The following FSCN1 variants were observed in gnomAD, a reference collection of about 807,000 sequenced individuals.
The protein encoded by FSCN1 is fascin actin-bundling protein 1, also known as fascin.
In FSCN1, 10 loss-of-function variants were observed where a neutral mutation model predicts 39.7. That is an observed-to-expected ratio of 0.25 (90% CI 0.16 to 0.43). The LOEUF (loss-of-function observed/expected upper bound fraction) is 0.43, where lower values mean the gene tolerates loss of function less well. FSCN1 is among the 20% of genes least tolerant of loss of function. The pLI is 1.00. For synonymous variants in FSCN1, 322 were observed against 320.0 expected, an observed-to-expected ratio of 1.01 and a Z score of -0.07; for missense variants, 525 against 723.8, an observed-to-expected ratio of 0.73 and a Z score of 3.15.
intron 1 of FSCN1, among the ~76,000 whole-genome samples, chr7:5,598,970 GC>G (rs1785778661): frequency 6.6e-6 from 1 of 152,222 alleles, no homozygotes; most frequent in African/African-American, 2.4e-5. Context: ...GGTGTGGCTG[GC>G]CTGACGGCTC....
chr7:5,604,862 C>T (rs545154264), intron 4 of FSCN1, among the ~76,000 whole-genome samples: 31 of 152,260 alleles, frequency 2.0e-4, no homozygotes, highest in African/African-American at 5.8e-4. Context: ...GTCTTGAATT[C>T]GTGGCCTCAA....
chr7:5,593,692 G>T lies in FSCN1; in HGVS notation c.756G>T (p.Glu252Asp). The T allele has an allele frequency of 6.3e-7, 1 of 1,592,188 alleles. No homozygotes were observed. The highest frequency in any genetic ancestry group is 8.5e-7 in the Non-Finnish European group (1 of 1,175,822). ...AGGCCACCAAGGTGGGCAAGGACGA[G>T]CTCTTTGCTCTGGAGCAGAGCTGCG... ...AGKATKVGKDELFALEQSCAQ... is the reference protein window; with the variant it reads ...AGKATKVGKDDLFALEQSCAQ... The change falls in exon 1 of 5, where the codon GAG becomes GAT. Residue 252 changes from glutamate (E) to aspartate (D), a missense_variant. By Grantham distance (45) the Glu-to-Asp change is conservative. Around this residue, in one of 3 missense-constraint regions of FSCN1, gnomAD observed 275 missense variants for 351.9 expected, o/e 0.78. Transcript: ENST00000382361.
In FSCN1 at chr7:5,593,920, G is replaced by C. The variant is rs563426795; in HGVS notation, c.832+152G>C. ...CCCCGCTAGGCACGCGGGCTACCCCGCCTGGAGGGGGCGAGGAGTGGGGCT... is the reference window on the plus strand; with the variant it reads ...CCCCGCTAGGCACGCGGGCTACCCCCCCTGGAGGGGGCGAGGAGTGGGGCT... On this transcript the variant is annotated intron_variant, in intron 1 of 4. Transcript: ENST00000382361. 4.5e-5 allele frequency: 27 copies of C among 597,018 alleles called. No individual in the cohort carries two copies. In the African/African-American group the frequency reaches 5.2e-4, roughly 11 times the overall value. 37.0% of individuals were successfully genotyped at this position (597,018 alleles called of 1,614,324 possible). A position where few individuals can be genotyped will look rare whatever the true frequency, so the allele number is the denominator to read the frequency against.
At chr7:5,601,032 G>A (rs1319858379) in intron 1 of FSCN1, among the ~76,000 whole-genome samples, 3 of 131,738 alleles carry the variant, frequency 2.3e-5, no homozygotes, top group Admixed American at 7.2e-5. Context: ...CTCATGATCC[G>A]CCCGCCTCGG....
Position 5,593,605 on chromosome 7 carries a change from C to T in FSCN1, c.669C>T (p.Phe223=), listed in dbSNP as rs1311981770. ...AGTTCCGCTCCGGCAAGGTGGCCTTCCGCGACTGCGAGGGCCGTTACCTGG... is the reference window on the plus strand; with the variant it reads ...AGTTCCGCTCCGGCAAGGTGGCCTTTCGCGACTGCGAGGGCCGTTACCTGG... ...TLEFRSGKVA[F]RDCEGRYLAP... The change falls in exon 1 of 5, where the codon TTC becomes TTT. Residue 223 remains phenylalanine, a synonymous_variant. Transcript: ENST00000382361. 3.8e-6 allele frequency: 6 copies of T among 1,558,738 alleles called. No individual in the cohort carries two copies. In the East Asian group the frequency reaches 9.4e-5, roughly 25 times the overall value.
intron 1 of FSCN1, among the ~76,000 whole-genome samples, chr7:5,598,828 G>C (rs534423464): frequency 6.6e-6 from 1 of 152,228 alleles, no homozygotes; most frequent in African/African-American, 2.4e-5. Flanking sequence ...GGGCTTCAGC[G>C]GAGCCCCAGC....
chr7:5,593,678 G>A lies in FSCN1; in HGVS notation c.742G>A (p.Val248Met), dbSNP rs752581998. The A allele has an allele frequency of 3.8e-6, 6 of 1,589,204 alleles. No individual in the cohort carries two copies. The African/African-American group carries it at 6.7e-5, about 18-fold the overall frequency. The change falls in exon 1 of 5, where the codon GTG becomes ATG. Residue 248 changes from valine to methionine, a missense_variant. Physicochemically the swap from Val to Met is conservative, Grantham distance 21. Around this residue, in one of 3 missense-constraint regions of FSCN1, gnomAD observed 275 missense variants for 351.9 expected, o/e 0.78. Transcript: ENST00000382361. The stretch of plus-strand genomic sequence containing the variant: ...GCTCAAGGCGGGCAAGGCCACCAAG[G>A]TGGGCAAGGACGAGCTCTTTGCTCT... ...GTLKAGKATK[V>M]GKDELFALEQ... is the part of the protein sequence containing the mutation.
At position 5,605,369 on chromosome 7, in the gene FSCN1, C is replaced by T. The variant is rs1341491150; in HGVS notation, c.1377C>T (p.Asn459=). Residue 459 remains asparagine, a synonymous_variant, in exon 5 of 5, where the codon AAC becomes AAT. Transcript: ENST00000382361. This position sits in a 1 kb window ranked among gnomAD's most constrained non-coding sequence, Gnocchi z 6.9. ...TCTTCTTCGAGTTCTGCGACTATAA[C>T]AAGGTGGCCATCAAGGTGGGCGGGC... ...VDFFFEFCDY[N]KVAIKVGGRY... is the part of the protein sequence containing the mutation. 6.2e-7 allele frequency: 1 copy of T among 1,613,648 alleles called. No homozygotes were observed. The highest frequency in any genetic ancestry group is 8.5e-7 in the Non-Finnish European group (1 of 1,179,760).
intron 1 of FSCN1, among the ~76,000 whole-genome samples, chr7:5,597,535 C>CGG: frequency 6.6e-6 from 1 of 151,266 alleles, no homozygotes; most frequent in Non-Finnish European, 1.5e-5. Flanking sequence ...GGCGTGGTGG[C>CGG]GCATGCCTGT....
At chr7:5,594,420 C>G (rs962601528) in intron 1 of FSCN1, 7 of 152,498 alleles carry the variant, frequency 4.6e-5, no homozygotes, top group Non-Finnish European at 1.0e-4. Flanking sequence ...GTCTGCCCCG[C>G]GCTCGAGGCC....
chr7:5,603,436 T>C lies in FSCN1; in HGVS notation c.989+23T>C. 6.2e-7 allele frequency: 1 copy of C among 1,613,746 alleles called. No homozygotes were observed. The highest frequency in any genetic ancestry group is 8.5e-7 in the Non-Finnish European group (1 of 1,179,942). The stretch of plus-strand genomic sequence containing the variant: ...CAAGTGAGTGCCTCGCTCCCACCTG[T>C]CACCGCCCCCACCACCTTGCCTGGG... On this transcript the variant is annotated intron_variant, in intron 2 of 4. Transcript: ENST00000382361. The surrounding 1 kb of genome is among the most constrained non-coding windows in gnomAD (Gnocchi z 8.5).
In FSCN1 at chr7:5,593,537, C is replaced by T; in HGVS notation, c.601C>T (p.Arg201Cys). 4 of 1,595,066 alleles carry T rather than the reference C, an allele frequency of 2.5e-6. No individual in the cohort carries two copies. Among genetic ancestry groups the T allele is most frequent in the Non-Finnish European group, 3.4e-6 (4 of 1,175,110 alleles). The change falls in exon 1 of 5, where the codon CGC (arginine) becomes TGC (cysteine). Residue 201 changes from arginine to cysteine, a missense_variant. Physicochemically the swap from Arg to Cys is radical, Grantham distance 180 (BLOSUM62 -3). This residue lies in a region of FSCN1 where 246 missense variants were observed against 350.6 expected (regional missense o/e 0.70). Coordinates refer to ENST00000382361, the MANE Select transcript of FSCN1 (RefSeq NM_003088.4). Reference protein sequence around the residue: ...ADHRFLRHDGRLVARPEPATG... With the variant: ...ADHRFLRHDGCLVARPEPATG... ...CCACCGCTTCCTGCGCCACGACGGG[C>T]GCCTGGTGGCGCGCCCCGAGCCGGC...
Position 5,605,567 on chromosome 7 carries a change from G to A in FSCN1, c.*93G>A, listed in dbSNP as rs375923451. 19 of 953,578 alleles carry A rather than the reference G, an allele frequency of 2.0e-5. No individual in the cohort carries two copies. The South Asian group carries it at 2.9e-4, about 15-fold the overall frequency. 59.1% of individuals were successfully genotyped at this position (953,578 alleles called of 1,614,324 possible). A position where few individuals can be genotyped will look rare whatever the true frequency, so the allele number is the denominator to read the frequency against. ...CTCCGCCAGGTGGGCTCCAGGGCGGGAGGCAAGCCCCCTTGCCTTTCAAAC... is the reference window on the plus strand; with the variant it reads ...CTCCGCCAGGTGGGCTCCAGGGCGGAAGGCAAGCCCCCTTGCCTTTCAAAC... On this transcript the variant is annotated 3_prime_UTR_variant, in exon 5 of 5. Coordinates refer to ENST00000382361, the MANE Select transcript of FSCN1 (RefSeq NM_003088.4). The surrounding 1 kb of genome is among the most constrained non-coding windows in gnomAD (Gnocchi z 6.9).
In FSCN1 at chr7:5,606,583, A is replaced by G. The variant is rs1253802069; in HGVS notation, c.*1109A>G. On this transcript the variant is annotated 3_prime_UTR_variant, in exon 5 of 5. Coordinates refer to ENST00000382361, the MANE Select transcript of FSCN1 (RefSeq NM_003088.4). This position sits in a 1 kb window ranked among gnomAD's most constrained non-coding sequence, Gnocchi z 5.1. Reference sequence around the variant, plus strand: ...TTTATTTTTTGTAAGTGTCATTTGTATAACTCTAAACGCCCATGATAGTAG... The same window carrying G: ...TTTATTTTTTGTAAGTGTCATTTGTGTAACTCTAAACGCCCATGATAGTAG... 4 of 152,116 alleles carry G rather than the reference A, an allele frequency of 2.6e-5. No individual in the cohort carries two copies. Among genetic ancestry groups the G allele is most frequent in the South Asian group, 2.1e-4 (1 of 4,832 alleles). The allele number at this position is 152,116 out of a possible 1,614,324, so 9.4% of individuals were successfully genotyped here.
At position 5,593,201 on chromosome 7, in the gene FSCN1, T is replaced by G. The variant is rs1381242252; in HGVS notation, c.265T>G (p.Cys89Gly). The G allele has an allele frequency of 1.2e-6, 2 of 1,604,614 alleles. No homozygotes were observed. Among genetic ancestry groups the G allele is most frequent in the South Asian group, 1.1e-5 (1 of 90,048 alleles). Residue 89 changes from cysteine to glycine, a missense_variant, in exon 1 of 5, where the codon TGC becomes GGC. Cys to Gly is a radical substitution (Grantham distance 159, BLOSUM62 -3). Transcript: ENST00000382361. ...CGAGCGCGAGGTGCCCGGTCCCGACTGCCGTTTCCTCATCGTGGCGCACGA... is the reference window on the plus strand; with the variant it reads ...CGAGCGCGAGGTGCCCGGTCCCGACGGCCGTTTCCTCATCGTGGCGCACGA... ...TCEREVPGPD[C>G]RFLIVAHDDG... is the part of the protein sequence containing the mutation.
At chr7:5,604,805 T>G (rs1233356576) in intron 4 of FSCN1, among the ~76,000 whole-genome samples, 2 of 152,012 alleles carry the variant, frequency 1.3e-5, no homozygotes, top group African/African-American at 4.8e-5. Flanking sequence ...CTGGCTAATT[T>G]TTTTGTATTT....
At chr7:5,595,749 C>T (rs1785718981) in intron 1 of FSCN1, among the ~76,000 whole-genome samples, 1 of 152,128 alleles carries the variant, frequency 6.6e-6, no homozygotes. Flanking sequence ...TGGGTGAGAG[C>T]TTAGTGCAGG....
chr7:5,593,230 C>G lies in FSCN1; in HGVS notation c.294C>G (p.Asp98Glu), dbSNP rs146600697. Reference protein sequence around the residue: ...DCRFLIVAHDDGRWSLQSEAH... With the variant: ...DCRFLIVAHDEGRWSLQSEAH... ...GTTTCCTCATCGTGGCGCACGACGA[C>G]GGTCGCTGGTCGCTGCAGTCCGAGG... The change falls in exon 1 of 5, where the codon GAC becomes GAG. Residue 98 changes from aspartate to glutamate, a missense_variant. Physicochemically the swap from Asp to Glu is conservative, Grantham distance 45. Coordinates refer to ENST00000382361, the MANE Select transcript of FSCN1 (RefSeq NM_003088.4). 2 of 1,607,916 alleles carry G rather than the reference C, an allele frequency of 1.2e-6. No individual in the cohort carries two copies. Among genetic ancestry groups the G allele is most frequent in the Non-Finnish European group, 8.5e-7 (1 of 1,178,416 alleles).
rs767376410 is a variant in FSCN1, at chr7:5,603,860, CA to C, written c.1112-2del. The C allele has an allele frequency of 3.7e-6, 6 of 1,611,868 alleles. No individual in the cohort carries two copies. The African/African-American group carries it at 8.0e-5, about 22-fold the overall frequency. The stretch of plus-strand genomic sequence containing the variant: ...CTCACTGACTCCCCTCTTTCTGGGA[CA>C]GGGGACTCAGAGCTCTTCCTCATGA... On this transcript the variant is annotated splice_acceptor_variant, in intron 3 of 4. Coordinates refer to ENST00000382361, the MANE Select transcript of FSCN1 (RefSeq NM_003088.4). LOFTEE classifies it high-confidence loss of function. The surrounding 1 kb of genome is among the most constrained non-coding windows in gnomAD (Gnocchi z 8.5).
Sources: allele counts gnomAD v4.1 joint callset (sites outside exome capture counted in the v4.1 genomes callset), GRCh38; gene constraint gnomAD v4.1.1; regional missense constraint gnomAD v4.1.1; non-coding constraint Gnocchi (gnomAD v3.1); transcripts MANE v1.5; gene names NCBI Gene and HGNC (gene_info 2026-07-23, HGNC 2026-07-21).